Variants in LAMA3 observed in about 807,000 individuals in gnomAD.
LAMA3 encodes the protein laminin subunit alpha 3.
Under a neutral mutation model 402.0 loss-of-function variants are expected in LAMA3, and 281 were observed. The observed-to-expected ratio is 0.70, with a 90% CI of 0.63 to 0.77. LAMA3 has a LOEUF of 0.77. LAMA3 is among the 30% of genes least tolerant of loss of function. The probability of loss-of-function intolerance (pLI) is 0.00; values close to 1 mark genes in which losing one functional copy is unlikely to be tolerated. For missense variants in LAMA3, 3,840 were observed against 4,215.5 expected (o/e 0.91, Z 2.47); for synonymous variants, 1,431 against 1,558.4 (o/e 0.92, Z 1.93).
intron 12 of LAMA3, among the ~76,000 whole-genome samples, chr18:23,792,502 A>G (rs1296580540): frequency 6.6e-6 from 1 of 152,164 alleles, no homozygotes; most frequent in Non-Finnish European, 1.5e-5. Context: ...CTCATGAGGA[A>G]TCCACCCCCA....
At chr18:23,810,886 T>A (rs2063056646) in intron 13 of LAMA3, among the ~76,000 whole-genome samples, 1 of 152,032 alleles carries the variant, frequency 6.6e-6, no homozygotes, top group Non-Finnish European at 1.5e-5. Context: ...GCTCCCAGCT[T>A]GTGGTGCTAA....
At chr18:23,777,691 G>A in intron 11 of LAMA3, 72 bp downstream of exon 11, 3 of 1,145,774 alleles carry the variant, frequency 2.6e-6, no homozygotes, top group South Asian at 1.2e-5. Flanking sequence ...CTTCCTGTGT[G>A]CACTGCCACA....
Position 23,689,857 on chromosome 18 carries a change from G to A in LAMA3, c.174G>A (p.Ala58=), listed in dbSNP as rs756136471. ...CTTACTTCAACCTGGCCGAGGCGGC[G>A]AGGATTTGGGCCACCGCCACCTGCG... ...HPTYFNLAEA[A]RIWATATCGE... Residue 58 remains alanine (A), a synonymous_variant, in exon 1 of 75, where the codon GCG becomes GCA. Coordinates refer to ENST00000313654, the MANE Select transcript of LAMA3 (RefSeq NM_198129.4). The A allele has an allele frequency of 9.7e-6, 15 of 1,551,724 alleles. No homozygotes were observed. The highest frequency in any genetic ancestry group is 5.7e-5 in the Admixed American group (3 of 52,464).
chr18:23,845,219 G>A (rs538641260), intron 30 of LAMA3, 95 bp downstream of exon 30: 11 of 761,422 alleles, frequency 1.4e-5, no homozygotes, highest in South Asian at 1.4e-4. Flanking sequence ...CCATGGATCC[G>A]TCCTCTTCCC....
intron 8 of LAMA3, among the ~76,000 whole-genome samples, chr18:23,769,219 C>G (rs1360299169): frequency 6.6e-6 from 1 of 152,142 alleles, no homozygotes; most frequent in Non-Finnish European, 1.5e-5. Flanking sequence ...TTCCAAATCT[C>G]TGCCCTTTTA....
At chr18:23,846,261 C>T (rs750714341) in intron 30 of LAMA3, 36 bp from the exon 31 acceptor site, 7 of 1,606,242 alleles carry the variant, frequency 4.4e-6, no homozygotes, top group Non-Finnish European at 6.0e-6. Flanking sequence ...TACACACCTC[C>T]CCAGGCATCA....
intron 24 of LAMA3, 138 bp from the exon 25 acceptor site, chr18:23,836,843 C>A: frequency 1.4e-6 from 1 of 702,612 alleles, no homozygotes; most frequent in South Asian, 1.5e-5. Context: ...TTCTTCAACT[C>A]ATCATGCAGG....
At position 23,901,761 on chromosome 18, in the gene LAMA3, A is replaced by G. The variant is rs369609660; in HGVS notation, c.6201+438A>G. ...AGCCATAATCTGCTTTATAGGAAAT[A>G]AAAGTACAGGCCACCTACAGAAGCT... On this transcript the variant is annotated intron_variant, in intron 48 of 74. Transcript: ENST00000313654. Among the ~76,000 whole-genome samples the G allele has an allele frequency of 3.3e-5, 5 of 152,238 alleles. No individual in the cohort carries two copies. The East Asian group carries it at 5.8e-4, about 18-fold the overall frequency.
chr18:23,721,876 G>C (rs543220308), intron 2 of LAMA3, among the ~76,000 whole-genome samples: 2 of 152,330 alleles, frequency 1.3e-5, no homozygotes, highest in African/African-American at 4.8e-5. Flanking sequence ...AGAAAGATTA[G>C]AAACAATCAG....
At position 23,689,556 on chromosome 18, in the gene LAMA3, C is replaced by A. The variant is rs1210767191; in HGVS notation, c.-128C>A. 2.1e-6 allele frequency: 2 copies of A among 931,662 alleles called. No homozygotes were observed. Among genetic ancestry groups the A allele is most frequent in the Non-Finnish European group, 2.8e-6 (2 of 719,304 alleles). 57.7% of individuals were successfully genotyped at this position (931,662 alleles called of 1,614,324 possible). A position where few individuals can be genotyped will look rare whatever the true frequency, so the allele number is the denominator to read the frequency against. On this transcript the variant is annotated 5_prime_UTR_variant, in exon 1 of 75. Coordinates refer to ENST00000313654, the MANE Select transcript of LAMA3 (RefSeq NM_198129.4). ...CAGCGCGTGGAGCAAGGGGAGCGGC[C>A]CCGGCGCCGCCCATATCCCCGGCTG...
chr18:23,890,174 A>G, intron 42 of LAMA3, 57 bp downstream of exon 42: 1 of 1,159,070 alleles, frequency 8.6e-7, no homozygotes, highest in Non-Finnish European at 1.3e-6. Context: ...ATAACTTAAC[A>G]GCCTAAGAAC....
intron 14 of LAMA3, among the ~76,000 whole-genome samples, chr18:23,813,957 T>C (rs2063127628): frequency 1.3e-5 from 2 of 152,234 alleles, no homozygotes; most frequent in Non-Finnish European, 2.9e-5. Flanking sequence ...TCTGCCATCC[T>C]TCCCATAAGC....
chr18:23,818,787 C>T (rs1310532306), intron 18 of LAMA3, among the ~76,000 whole-genome samples: 1 of 152,018 alleles, frequency 6.6e-6, no homozygotes, highest in Non-Finnish European at 1.5e-5. Flanking sequence ...TCATATAATT[C>T]ACATTCATTA....
At chr18:23,861,172 C>CT (rs144307749) in intron 34 of LAMA3, among the ~76,000 whole-genome samples, 24,395 of 148,838 alleles carry the variant, frequency 0.16, 3,867 homozygotes, top group African/African-American at 0.4. Flanking sequence ...TCAGTTCTTT[C>CT]TTTTTTTTTT....
intron 1 of LAMA3, among the ~76,000 whole-genome samples, chr18:23,712,296 C>T (rs1269715229): frequency 1.3e-5 from 2 of 150,886 alleles, no homozygotes; most frequent in African/African-American, 2.4e-5. Flanking sequence ...AGGAGAATCG[C>T]TTGAACCTGG....
chr18:23,805,024 TC>T (rs2062935034), intron 12 of LAMA3, among the ~76,000 whole-genome samples: 1 of 152,228 alleles, frequency 6.6e-6, no homozygotes, highest in African/African-American at 2.4e-5. Context: ...CCCAGGTATT[TC>T]TTTATAGCAA....
In LAMA3 at chr18:23,913,273, TTG is replaced by T. The variant is rs970925348; in HGVS notation, c.7329+394_7329+395del. 3.3e-5 allele frequency among the ~76,000 whole-genome samples: 5 copies of T among 152,170 alleles called. No individual in the cohort carries two copies. In the East Asian group the frequency reaches 9.6e-4, roughly 29 times the overall value. ...AGCTCCTCCTCACAGAATTGTGACCTTGTCCTCTTCCTCAGACTGCCCAGCCT... is the reference window on the plus strand; with the variant it reads ...AGCTCCTCCTCACAGAATTGTGACCTTCCTCTTCCTCAGACTGCCCAGCCT... On this transcript the variant is annotated intron_variant, in intron 56 of 74. Coordinates refer to ENST00000313654, the MANE Select transcript of LAMA3 (RefSeq NM_198129.4).
At position 23,954,925 on chromosome 18, in the gene LAMA3, A is replaced by T; in HGVS notation, c.*277A>T. Reference sequence around the variant, plus strand: ...TTGGTAATATTAATTTCCACTAAAAAATTAAATGTCTTTTAAGAAACATTC... The same window carrying T: ...TTGGTAATATTAATTTCCACTAAAATATTAAATGTCTTTTAAGAAACATTC... On this transcript the variant is annotated 3_prime_UTR_variant, in exon 75 of 75. Coordinates refer to ENST00000313654, the MANE Select transcript of LAMA3 (RefSeq NM_198129.4). 2.4e-6 allele frequency: 1 copy of T among 412,814 alleles called. No individual in the cohort carries two copies. Among genetic ancestry groups the T allele is most frequent in the Non-Finnish European group, 4.4e-6 (1 of 227,136 alleles). 25.6% of individuals were successfully genotyped at this position (412,814 alleles called of 1,614,324 possible). A position where few individuals can be genotyped will look rare whatever the true frequency, so the allele number is the denominator to read the frequency against.
At chr18:23,754,485 C>T (rs184516186) in intron 6 of LAMA3, among the ~76,000 whole-genome samples, 19 of 152,260 alleles carry the variant, frequency 1.2e-4, no homozygotes, top group African/African-American at 4.6e-4. Flanking sequence ...AAGGTTCATC[C>T]ATATTGAGCA....
Sources: gnomAD v4.1 joint callset for allele counts (sites outside exome capture counted in the v4.1 genomes callset) on GRCh38, gnomAD v4.1.1 for gene constraint, MANE v1.5 for transcripts, NCBI Gene and HGNC (gene_info 2026-07-23, HGNC 2026-07-21) for gene names.